Variants in PARD3B observed in about 807,000 individuals in gnomAD.
PARD3B encodes the protein partitioning defective 3 homolog B.
In PARD3B, 103 loss-of-function variants were observed where a neutral mutation model predicts 130.2. That is an observed-to-expected ratio of 0.79 (90% CI 0.67 to 0.93). The LOEUF is 0.93. PARD3B is among the 40% of genes least tolerant of loss of function. The probability of loss-of-function intolerance (pLI) is 0.00; values close to 1 mark genes in which losing one functional copy is unlikely to be tolerated. For synonymous variants in PARD3B, 583 were observed against 553.2 expected (o/e 1.05, Z -0.76); for missense variants, 1,609 against 1,499.2 (o/e 1.07, Z -1.21).
chr2:205,326,688 A>ACCTTTGTATTTTAATAATTC (rs1204907809), intron 18 of PARD3B, among the ~76,000 whole-genome samples: 1 of 152,156 alleles, frequency 6.6e-6, no homozygotes, highest in Non-Finnish European at 1.5e-5. Context: ...TTAAATAATT[A>ACCTTTGTATTTTAATAATTC]CCTTTGTATT....
intron 2 of PARD3B, among the ~76,000 whole-genome samples, chr2:204,871,531 GT>G (rs1252222433): frequency 2.0e-5 from 3 of 152,028 alleles, no homozygotes; most frequent in Non-Finnish European, 4.4e-5. Context: ...CTCACGTTAT[GT>G]TTTGTATTTT....
intron 3 of PARD3B, among the ~76,000 whole-genome samples, chr2:205,018,768 A>G (rs925058028): frequency 1.4e-5 from 2 of 143,890 alleles, no homozygotes; most frequent in African/African-American, 2.6e-5. Context: ...GATTAATAAA[A>G]TATGCTTTTT....
intron 1 of PARD3B, among the ~76,000 whole-genome samples, chr2:204,567,273 G>C (rs1355618034): frequency 6.6e-6 from 1 of 152,006 alleles, no homozygotes; most frequent in Non-Finnish European, 1.5e-5. Flanking sequence ...GTAGCATTAA[G>C]TATATTCATA....
chr2:204,793,743 A>G (rs994741514), intron 2 of PARD3B, among the ~76,000 whole-genome samples: 1 of 152,100 alleles, frequency 6.6e-6, no homozygotes, highest in South Asian at 2.1e-4. Flanking sequence ...TCCTGACTTC[A>G]TGATCCACCC....
intron 2 of PARD3B, among the ~76,000 whole-genome samples, chr2:204,941,113 A>G (rs1183188634): frequency 1.3e-5 from 2 of 152,236 alleles, no homozygotes; most frequent in Non-Finnish European, 2.9e-5. Flanking sequence ...ATATGTGTGA[A>G]TGCAAAATAT....
intron 1 of PARD3B, among the ~76,000 whole-genome samples, chr2:204,564,675 G>C (rs1319506437): frequency 1.3e-5 from 2 of 151,246 alleles, no homozygotes; most frequent in African/African-American, 4.9e-5. Flanking sequence ...CCATTTTTTT[G>C]CAAATCTCTT....
At chr2:205,036,878 T>G (rs1412490492) in intron 3 of PARD3B, among the ~76,000 whole-genome samples, 2 of 151,242 alleles carry the variant, frequency 1.3e-5, no homozygotes, top group Admixed American at 6.6e-5. Flanking sequence ...AGAACATATG[T>G]AGCGGACTGT....
chr2:205,158,907 G>A lies in PARD3B; in HGVS notation c.1620G>A (p.Lys540=). 6.2e-7 allele frequency: 1 copy of A among 1,613,528 alleles called. No homozygotes were observed. The highest frequency in any genetic ancestry group is 8.5e-7 in the Non-Finnish European group (1 of 1,179,972). The change falls in exon 11 of 23, where the codon AAG becomes AAA. Residue 540 remains lysine (K), a splice_region_variant and synonymous_variant. Transcript: ENST00000406610. This position sits in a 1 kb window ranked among gnomAD's most constrained non-coding sequence, Gnocchi z 5.4. ...KSIIHGGAAF[K]DGRLRMNDQL... is the part of the protein sequence containing the mutation. ...TCATTCATGGAGGCGCTGCTTTTAA[G>A]GTGGGTAGGAATGACATTTGTACAT... is the stretch of plus-strand genomic sequence containing the variant.
At chr2:204,713,627 C>G (rs576938558) in intron 2 of PARD3B, among the ~76,000 whole-genome samples, 1 of 152,112 alleles carries the variant, frequency 6.6e-6, no homozygotes, top group Non-Finnish European at 1.5e-5. Context: ...TTTGGCTATT[C>G]TAAGTACCTC....
rs774226062 is a variant in PARD3B at position 205,078,159 on chromosome 2, A to C, written c.505-26267A>C. ...AGAGTGAGATATAGTTTATTTATGAAAAGGTGCTTTTGTGTGGTTAAATGT... is the reference window on the plus strand; with the variant it reads ...AGAGTGAGATATAGTTTATTTATGACAAGGTGCTTTTGTGTGGTTAAATGT... On this transcript the variant is annotated intron_variant, in intron 4 of 22. Coordinates refer to ENST00000406610, the MANE Select transcript of PARD3B (RefSeq NM_001302769.2). This position sits in a 1 kb window ranked among gnomAD's most constrained non-coding sequence, Gnocchi z 4.0. Among the ~76,000 whole-genome samples, 37 of 152,314 alleles carry C rather than the reference A, an allele frequency of 2.4e-4. No individual in the cohort carries two copies. Among genetic ancestry groups the C allele is most frequent in the Non-Finnish European group, 4.6e-4 (31 of 68,016 alleles).
chr2:204,555,202 G>A (rs115502739), intron 1 of PARD3B, among the ~76,000 whole-genome samples: 4,947 of 152,284 alleles, frequency 0.032, 128 homozygotes, highest in Non-Finnish European at 0.049. Context: ...GTTTCCTGCA[G>A]ACTTCGCTCT....
In PARD3B at chr2:204,555,725, C is replaced by T. The variant is rs184005166; in HGVS notation, c.120+9606C>T. On this transcript the variant is annotated intron_variant, in intron 1 of 22. Transcript: ENST00000406610. ...GTTCTCCTGTCTCAGTCACACTGAT[C>T]GCTTGTCATGTTATTCAAGCATGCC... Among the ~76,000 whole-genome samples the T allele has an allele frequency of 8.5e-5, 13 of 152,282 alleles. No individual in the cohort carries two copies. In the East Asian group the frequency reaches 1.2e-3, roughly 14 times the overall value.
intron 2 of PARD3B, among the ~76,000 whole-genome samples, chr2:204,827,865 G>T (rs1225029831): frequency 1.3e-5 from 2 of 152,200 alleles, no homozygotes; most frequent in African/African-American, 2.4e-5. Flanking sequence ...ATAAATATCT[G>T]ACTGGATGAC....
intron 18 of PARD3B, among the ~76,000 whole-genome samples, chr2:205,359,130 ACACCAAG>A (rs150570463): frequency 6.6e-6 from 1 of 152,306 alleles, no homozygotes; most frequent in East Asian, 1.9e-4. Context: ...ACTCTTACAA[ACACCAAG>A]CAATTCTCTC....
intron 2 of PARD3B, among the ~76,000 whole-genome samples, chr2:204,882,508 C>G (rs1017390736): frequency 6.6e-6 from 1 of 152,138 alleles, no homozygotes; most frequent in African/African-American, 2.4e-5. Context: ...TATATTGCCT[C>G]TTTTATTTAC....
chr2:204,849,029 T>A (rs1040366354), intron 2 of PARD3B, among the ~76,000 whole-genome samples: 2 of 152,184 alleles, frequency 1.3e-5, no homozygotes, highest in African/African-American at 4.8e-5. Flanking sequence ...TGTATCATTC[T>A]ATTTCTTTGA....
intron 18 of PARD3B, among the ~76,000 whole-genome samples, chr2:205,370,010 C>T (rs1011001484): frequency 6.6e-6 from 1 of 152,206 alleles, no homozygotes; most frequent in Non-Finnish European, 1.5e-5. Context: ...GAGCCCCTCC[C>T]TGCTGGACTG....
rs916463415 is a variant in PARD3B, at chr2:205,280,574, C to T, written c.2186-19956C>T. ...TTGGTTCTCAGAGAATATCAAATTC[C>T]GATGTCAGTTTTGTAAATAAGTATC... is the stretch of plus-strand genomic sequence containing the variant. On this transcript the variant is annotated intron_variant, in intron 16 of 22. Transcript: ENST00000406610. The surrounding 1 kb of genome is among the most constrained non-coding windows in gnomAD (Gnocchi z 4.7). 1.3e-5 allele frequency among the ~76,000 whole-genome samples: 2 copies of T among 152,122 alleles called. No homozygotes were observed. The highest frequency in any genetic ancestry group is 4.8e-5 in the African/African-American group (2 of 41,414).
chr2:205,100,637 G>C (rs1203734444), intron 4 of PARD3B, among the ~76,000 whole-genome samples: 1 of 151,914 alleles, frequency 6.6e-6, no homozygotes, highest in Non-Finnish European at 1.5e-5. Flanking sequence ...AGAATAGACA[G>C]GTATAGATCA....
Sources: allele counts gnomAD v4.1 joint callset (sites outside exome capture counted in the v4.1 genomes callset), GRCh38; gene constraint gnomAD v4.1.1; non-coding constraint Gnocchi (gnomAD v3.1); transcripts MANE v1.5; gene names NCBI Gene and HGNC (gene_info 2026-07-23, HGNC 2026-07-21).